The following SCN10A variants were observed in gnomAD, a reference collection of about 807,000 sequenced individuals.
The protein encoded by SCN10A is sodium voltage-gated channel alpha subunit 10, also known as sodium channel protein type 10 subunit alpha.
A neutral mutation model predicts 170.7 loss-of-function variants in SCN10A; 162 were observed. The observed-to-expected ratio is 0.95, with a 90% CI of 0.84 to 1.08. The LOEUF is 1.08. SCN10A is among the 50% of genes least tolerant of loss of function. SCN10A has a pLI of 0.00. For missense variants in SCN10A, 2,527 were observed against 2,436.9 expected, an observed-to-expected ratio of 1.04 and a Z score of -0.78; for synonymous variants, 985 against 904.6, an observed-to-expected ratio of 1.09 and a Z score of -1.59.
chr3:38,764,724 G>A (rs941074858), intron 5 of SCN10A, among the ~76,000 whole-genome samples: 2 of 152,166 alleles, frequency 1.3e-5, no homozygotes, highest in African/African-American at 2.4e-5. Context: ...CCTCTGGGTA[G>A]ATACCCAGTA....
chr3:38,751,127 A>G (rs1481775511), intron 12 of SCN10A, among the ~76,000 whole-genome samples: 1 of 152,154 alleles, frequency 6.6e-6, no homozygotes, highest in African/African-American at 2.4e-5. Flanking sequence ...CAAGTCAGGT[A>G]TTTTCCCCTG....
Position 38,755,962 on chromosome 3 carries a change from C to A in SCN10A, c.1291-4G>T, listed in dbSNP as rs376077984. The A allele has an allele frequency of 1.2e-6, 2 of 1,613,968 alleles. No individual in the cohort carries two copies. Among genetic ancestry groups the A allele is most frequent in the South Asian group, 1.1e-5 (1 of 91,076 alleles). On this transcript the variant is annotated splice_polypyrimidine_tract_variant and splice_region_variant and intron_variant, in intron 10 of 27. Transcript: ENST00000449082. ...CAATCCCTAGTGCTGCTAGCACCTG[C>A]GAAGAGAGAACAGCAGGTGTAGCCA... is the stretch of plus-strand genomic sequence containing the variant.
chr3:38,795,657 A>G (rs2064336462), intron 1 of SCN10A, among the ~76,000 whole-genome samples: 1 of 151,548 alleles, frequency 6.6e-6, no homozygotes, highest in African/African-American at 2.4e-5. Context: ...GGTTTTCCTA[A>G]CTTTCTCTCT....
intron 20 of SCN10A, among the ~76,000 whole-genome samples, chr3:38,720,039 T>A (rs551487809): frequency 6.6e-6 from 1 of 152,254 alleles, no homozygotes; most frequent in African/African-American, 2.4e-5. Flanking sequence ...AAGGCTGTCT[T>A]CTTTGCCTCA....
chr3:38,703,504 G>T (rs1275509049), intron 26 of SCN10A, among the ~76,000 whole-genome samples: 1 of 152,166 alleles, frequency 6.6e-6, no homozygotes, highest in Non-Finnish European at 1.5e-5. Flanking sequence ...CAGAGCTTTT[G>T]CCTCTATCCT....
At chr3:38,814,942 G>T in intron 1 of SCN10A, among the ~76,000 whole-genome samples, 1 of 152,188 alleles carries the variant, frequency 6.6e-6, no homozygotes, top group East Asian at 1.9e-4. Flanking sequence ...ACACGTGGTT[G>T]CTTCTCCCTG....
At chr3:38,760,609 CATAAT>C in intron 8 of SCN10A, 67 bp downstream of exon 8, 17 of 1,194,168 alleles carry the variant, frequency 1.4e-5, no homozygotes, top group Non-Finnish European at 2.0e-5. Flanking sequence ...CATCTGTGCC[CATAAT>C]ATGCCAAGGA....
At position 38,700,291 on chromosome 3, in the gene SCN10A, G is replaced by A. The variant is rs553671274; in HGVS notation, c.4657+1548C>T. On this transcript the variant is annotated intron_variant, in intron 27 of 27. Coordinates refer to ENST00000449082, the MANE Select transcript of SCN10A (RefSeq NM_006514.4). ...GTGGTTTCCAGGAGCTGGGAGGAGG[G>A]GAAATTGGGGAGGTACTTGTCAAAG... Among the ~76,000 whole-genome samples, 6 of 152,038 alleles carry A rather than the reference G, an allele frequency of 3.9e-5. No individual in the cohort carries two copies. The South Asian group carries it at 8.3e-4, about 21-fold the overall frequency.
At position 38,726,763 on chromosome 3, in the gene SCN10A, G is replaced by A. The variant is rs200163378; in HGVS notation, c.2930C>T (p.Pro977Leu). The A allele has an allele frequency of 6.2e-7, 1 of 1,611,562 alleles. No homozygotes were observed. The highest frequency in any genetic ancestry group is 8.5e-7 in the Non-Finnish European group (1 of 1,177,866). Residue 977 changes from proline to leucine, a missense_variant, in exon 17 of 28, where the codon CCC (proline) becomes CTC (leucine). By Grantham distance (98) the Pro-to-Leu change is moderately conservative (BLOSUM62 -3). Transcript: ENST00000449082. Reference protein sequence around the residue: ...ARGSSGGLQAPRGPRDEHSDF... With the variant: ...ARGSSGGLQALRGPRDEHSDF... Reference sequence around the variant, plus strand: ...ACTGTGCTCATCCCTGGGGCCTCTGGGAGCTTGGAGCCCTCCAGAGCTCCC... The same window carrying A: ...ACTGTGCTCATCCCTGGGGCCTCTGAGAGCTTGGAGCCCTCCAGAGCTCCC...
chr3:38,700,579 T>C (rs1286381101), intron 27 of SCN10A, among the ~76,000 whole-genome samples: 3 of 152,208 alleles, frequency 2.0e-5, no homozygotes, highest in African/African-American at 7.2e-5. Flanking sequence ...ATTAAACATG[T>C]ATAGCTTTTT....
At position 38,712,293 on chromosome 3, in the gene SCN10A, G is replaced by A. The variant is rs770088715; in HGVS notation, c.3957C>T (p.Ser1319=). 1.9e-6 allele frequency: 3 copies of A among 1,614,168 alleles called. No individual in the cohort carries two copies. Among genetic ancestry groups the A allele is most frequent in the East Asian group, 4.5e-5 (2 of 44,882 alleles). The change falls in exon 23 of 28, where the codon TCC becomes TCT. Residue 1319 remains serine, a synonymous_variant. Coordinates refer to ENST00000449082, the MANE Select transcript of SCN10A (RefSeq NM_006514.4). ...TATTCACAATCGACAAAGGTACAAG[G>A]GAAAACTCTCCATCGGTATAGTTGA... ...RCINYTDGEF[S]LVPLSIVNNK... is the part of the protein sequence containing the mutation.
Position 38,752,236 on chromosome 3 carries a change from CA to C in SCN10A, c.1737del (p.Gly580GlufsTer22), listed in dbSNP as rs2063754469. On this transcript the variant is annotated frameshift_variant, in exon 12 of 28. Transcript: ENST00000449082. LOFTEE classifies it high-confidence loss of function. ...AAACTCACCGAGACATCGACAGCTC[CA>C]GGGGCAAGCTCACTAGTGGGCGGCG... is the stretch of plus-strand genomic sequence containing the variant. ...HQPPPTSELA[P>X]GAVDVSAFDA... The C allele has an allele frequency of 6.5e-7, 1 of 1,537,454 alleles. No individual in the cohort carries two copies. Among genetic ancestry groups the C allele is most frequent in the African/African-American group, 1.4e-5 (1 of 71,752 alleles).
intron 4 of SCN10A, 43 bp from the exon 5 acceptor site, chr3:38,771,450 G>T: frequency 6.2e-7 from 1 of 1,606,270 alleles, no homozygotes; most frequent in Non-Finnish European, 8.5e-7. Context: ...GTGCCATGGA[G>T]TGTACTCAGG....
intron 1 of SCN10A, among the ~76,000 whole-genome samples, chr3:38,797,763 G>A (rs1358896872): frequency 1.3e-5 from 2 of 152,200 alleles, no homozygotes; most frequent in South Asian, 2.1e-4. Context: ...ACACTGGAAT[G>A]CAATGTTGAG....
chr3:38,724,502 C>T (rs2063431365), intron 18 of SCN10A, among the ~76,000 whole-genome samples: 1 of 152,176 alleles, frequency 6.6e-6, no homozygotes, highest in Non-Finnish European at 1.5e-5. Context: ...ATAAGACAAT[C>T]CTAAACCTCT....
chr3:38,725,217 C>T lies in SCN10A; in HGVS notation c.3185G>A (p.Gly1062Asp). ...AACAGACTCATCTTTCCACGTCTCA[C>T]CCAGGGATGGAGCCAGGTCCTCAGA... Reference protein sequence around the residue: ...TSSEDLAPSLGETWKDESVPQ... With the variant: ...TSSEDLAPSLDETWKDESVPQ... The change falls in exon 18 of 28, where the codon GGT becomes GAT. Residue 1062 changes from glycine (G) to aspartate (D), a missense_variant. Coordinates refer to ENST00000449082, the MANE Select transcript of SCN10A (RefSeq NM_006514.4). 6.2e-7 allele frequency: 1 copy of T among 1,606,914 alleles called. No individual in the cohort carries two copies.
chr3:38,744,623 C>G (rs1270134811), intron 13 of SCN10A, among the ~76,000 whole-genome samples: 1 of 151,918 alleles, frequency 6.6e-6, no homozygotes, highest in Non-Finnish European at 1.5e-5. Flanking sequence ...AATACCTTCT[C>G]CATGTTTTTT....
At chr3:38,786,849 T>C (rs1305639363) in intron 4 of SCN10A, among the ~76,000 whole-genome samples, 1 of 152,184 alleles carries the variant, frequency 6.6e-6, no homozygotes, top group African/African-American at 2.4e-5. Flanking sequence ...GGTCTGTTTA[T>C]GGACTGTCTA....
intron 4 of SCN10A, 91 bp downstream of exon 4, chr3:38,788,865 T>C (rs936869002): frequency 8.9e-6 from 7 of 783,330 alleles, no homozygotes; most frequent in Non-Finnish European, 1.6e-5. Flanking sequence ...ACATGAGGCA[T>C]GGCAGGATAA....
Sources: gnomAD v4.1 joint callset for allele counts (sites outside exome capture counted in the v4.1 genomes callset) on GRCh38, gnomAD v4.1.1 for gene constraint, MANE v1.5 for transcripts, NCBI Gene and HGNC (gene_info 2026-07-23, HGNC 2026-07-21) for gene names.